The following UQCRC2 variants were observed in gnomAD, a reference collection of about 807,000 sequenced individuals.
The protein encoded by UQCRC2 is cytochrome b-c1 complex subunit 2, mitochondrial.
UQCRC2 carries 49 observed loss-of-function variants against 55.6 expected under a neutral mutation model. The ratio of observed to expected loss-of-function variants is 0.88; its 90% CI spans 0.70 to 1.12. The LOEUF is 1.12. Ranked by LOEUF, UQCRC2 falls within the 50% of genes most tolerant of loss-of-function variation. UQCRC2 has a pLI of 0.00. For synonymous variants in UQCRC2, 193 were observed against 192.0 expected, an observed-to-expected ratio of 1.01 and a Z score of -0.04; for missense variants, 506 against 547.8, an observed-to-expected ratio of 0.92 and a Z score of 0.76.
chr16:21,975,931 A>C (rs1460894407), intron 11 of UQCRC2, among the ~76,000 whole-genome samples: 6 of 152,128 alleles, frequency 3.9e-5, no homozygotes, highest in Non-Finnish European at 8.8e-5. Flanking sequence ...GGTAGCATGC[A>C]CCTGTAGTCC....
At chr16:21,957,100 T>A in intron 1 of UQCRC2, 135 bp from the exon 2 acceptor site, 1 of 672,678 alleles carries the variant, frequency 1.5e-6, no homozygotes, top group Non-Finnish European at 2.5e-6. Flanking sequence ...TGCAGGTAAA[T>A]CCTCCCATGG....
intron 12 of UQCRC2, 88 bp downstream of exon 12, chr16:21,976,331 C>G (rs750249676): frequency 4.4e-6 from 5 of 1,137,228 alleles, no homozygotes; most frequent in Non-Finnish European, 6.6e-6. Flanking sequence ...AATCTATGCT[C>G]ATAAGGACTG....
intron 8 of UQCRC2, among the ~76,000 whole-genome samples, chr16:21,970,580 C>A (rs1252036309): frequency 2.0e-5 from 3 of 151,978 alleles, no homozygotes; most frequent in African/African-American, 7.2e-5. Context: ...ATTTGTATAA[C>A]TTTTTTTGTT....
rs1427781800 is a variant in UQCRC2 at position 21,980,659 on chromosome 16, C to T, written c.1237C>T (p.Leu413Phe). The T allele has an allele frequency of 6.2e-7, 1 of 1,614,152 alleles. No homozygotes were observed. Among genetic ancestry groups the T allele is most frequent in the South Asian group, 1.1e-5 (1 of 91,082 alleles). Residue 413 changes from leucine to phenylalanine, a missense_variant, in exon 13 of 14, where the codon CTT becomes TTT. Transcript: ENST00000268379. ...TTCTTACATGCCACCATCCACAGTC[C>T]TTCAGCAGATTGATTCAGTGGCTAA... ...AGSYMPPSTVLQQIDSVANAD... is the reference protein window; with the variant it reads ...AGSYMPPSTVFQQIDSVANAD...
At position 21,961,626 on chromosome 16, in the gene UQCRC2, TTATATATATATATATATATA is replaced by T. The variant is rs67999727; in HGVS notation, c.333-810_333-791del. Among the ~76,000 whole-genome samples, 617 of 64,498 alleles carry T rather than the reference TTATATATATATATATATATA, an allele frequency of 9.6e-3. 24 individuals are homozygous for T. Among genetic ancestry groups the T allele is most frequent in the Middle Eastern group, 0.021 (2 of 94 alleles). The allele number at this position is 64,498 out of a possible 152,430, so 42.3% of individuals were successfully genotyped here. A position where few individuals can be genotyped will look rare whatever the true frequency, so the allele number is the denominator to read the frequency against. ...TGGTCAAATGTATATAACATAAAAT[TTATATATATATATATATATA>T]TATATATATATATATATATATATTT... On this transcript the variant is annotated intron_variant, in intron 4 of 13. Transcript: ENST00000268379.
At chr16:21,963,671 A>G (rs531598739) in intron 6 of UQCRC2, among the ~76,000 whole-genome samples, 12 of 151,854 alleles carry the variant, frequency 7.9e-5, no homozygotes, top group Admixed American at 1.3e-4. Context: ...GTCTCACTCT[A>G]TTGCCCAGGC....
chr16:21,973,186 T>C (rs1340633888), intron 10 of UQCRC2, among the ~76,000 whole-genome samples: 1 of 152,360 alleles, frequency 6.6e-6, no homozygotes, highest in East Asian at 1.9e-4. Context: ...TCCAAGTTTA[T>C]TGTACATAAG....
chr16:21,976,306 T>A, intron 12 of UQCRC2, 63 bp downstream of exon 12: 1 of 1,374,572 alleles, frequency 7.3e-7, no homozygotes, highest in Non-Finnish European at 1.0e-6. Flanking sequence ...TCTTTTCAGA[T>A]TATAACAATA....
intron 8 of UQCRC2, among the ~76,000 whole-genome samples, chr16:21,970,048 A>G (rs1898422055): frequency 6.6e-6 from 1 of 152,054 alleles, no homozygotes; most frequent in African/African-American, 2.4e-5. Context: ...GACATTTCCT[A>G]TAAATGGAGT....
intron 4 of UQCRC2, among the ~76,000 whole-genome samples, chr16:21,961,630 ATATAT>A: frequency 3.1e-5 from 1 of 32,184 alleles, no homozygotes; most frequent in South Asian, 1.6e-3. Flanking sequence ...TAAAATTTAT[ATATAT>A]ATATATATAT....
intron 1 of UQCRC2, among the ~76,000 whole-genome samples, 174 bp from the exon 2 acceptor site, chr16:21,957,059 ACT>A (rs1262393964): frequency 1.2e-4 from 18 of 144,798 alleles, no homozygotes; most frequent in Admixed American, 1.2e-3. Context: ...ACAGAGAGAC[ACT>A]CTGTCTCAAA....
chr16:21,975,928 T>A lies in UQCRC2; in HGVS notation c.1048-239T>A, dbSNP rs376911863. On this transcript the variant is annotated intron_variant, in intron 11 of 13. Transcript: ENST00000268379. ...AAAAAATTAGCCAGGCCTGGTAGCA[T>A]GCACCTGTAGTCCCAGCTTCTTGGG... Among the ~76,000 whole-genome samples the A allele has an allele frequency of 2.0e-4, 31 of 152,256 alleles. No homozygotes were observed. The East Asian group carries it at 4.4e-3, about 22-fold the overall frequency.
rs766327949 is a variant in UQCRC2, at chr16:21,976,255, T to A, written c.1124+12T>A. 6.2e-7 allele frequency: 1 copy of A among 1,600,996 alleles called. No homozygotes were observed. Among genetic ancestry groups the A allele is most frequent in the African/African-American group, 1.3e-5 (1 of 74,702 alleles). On this transcript the variant is annotated intron_variant, in intron 12 of 13. Transcript: ENST00000268379. ...GTCCAAGCTGCCAAGTAAGTCTCAGTATTAACTGTGTTTTATGTTTTTGTT... is the reference window on the plus strand; with the variant it reads ...GTCCAAGCTGCCAAGTAAGTCTCAGAATTAACTGTGTTTTATGTTTTTGTT...
At chr16:21,980,211 C>A in intron 12 of UQCRC2, 1 of 245,484 alleles carries the variant, frequency 4.1e-6, no homozygotes. Flanking sequence ...ATCCAGATTG[C>A]ACAACCGGAT....
At chr16:21,957,627 A>T in intron 3 of UQCRC2, 61 bp downstream of exon 3, 1 of 1,571,120 alleles carries the variant, frequency 6.4e-7, no homozygotes, top group Non-Finnish European at 8.6e-7. Flanking sequence ...CCTGTGAAAA[A>T]GAAAAACTAA....
At chr16:21,978,727 T>C (rs1304117273) in intron 12 of UQCRC2, among the ~76,000 whole-genome samples, 5 of 152,212 alleles carry the variant, frequency 3.3e-5, no homozygotes, top group Non-Finnish European at 7.3e-5. Flanking sequence ...CTTGGTGAAC[T>C]GAAGAAATAG....
chr16:21,954,168 C>CACTTAA (rs1898055610), intron 1 of UQCRC2, among the ~76,000 whole-genome samples: 1 of 152,160 alleles, frequency 6.6e-6, no homozygotes, highest in Non-Finnish European at 1.5e-5. Flanking sequence ...TAGCGAGGGA[C>CACTTAA]AGAATGCCCC....
intron 12 of UQCRC2, among the ~76,000 whole-genome samples, chr16:21,977,744 G>A (rs138556437): frequency 2.0e-4 from 31 of 152,314 alleles, no homozygotes; most frequent in African/African-American, 7.0e-4. Flanking sequence ...TCCAGTGGTC[G>A]TTATGATCAT....
At chr16:21,958,807 A>G (rs1241298022) in intron 4 of UQCRC2, among the ~76,000 whole-genome samples, 1 of 152,204 alleles carries the variant, frequency 6.6e-6, no homozygotes, top group Non-Finnish European at 1.5e-5. Flanking sequence ...TATCTGCAAT[A>G]TATAGGCATA....
Sources: allele counts gnomAD v4.1 joint callset (sites outside exome capture counted in the v4.1 genomes callset), GRCh38; gene constraint gnomAD v4.1.1; transcripts MANE v1.5; gene names NCBI Gene and HGNC (gene_info 2026-07-23, HGNC 2026-07-21).